PALLD: variants seen among roughly 807,000 people sequenced by gnomAD.
PALLD encodes the protein palladin.
In PALLD, 61 loss-of-function variants were observed where a neutral mutation model predicts 123.5. That is an observed-to-expected ratio of 0.49 (90% CI 0.40 to 0.61). The LOEUF (loss-of-function observed/expected upper bound fraction) is 0.61. PALLD is among the 20% of genes least tolerant of loss of function. The probability of loss-of-function intolerance (pLI) is 0.00; values close to 1 mark genes in which losing one functional copy is unlikely to be tolerated. For missense variants in PALLD, 1,273 were observed against 1,377.0 expected, an observed-to-expected ratio of 0.92 and a Z score of 1.20; for synonymous variants, 465 against 496.4, an observed-to-expected ratio of 0.94 and a Z score of 0.84.
intron 10 of PALLD, among the ~76,000 whole-genome samples, chr4:168,825,082 C>T (rs369240303): frequency 6.6e-6 from 1 of 152,160 alleles, no homozygotes; most frequent in African/African-American, 2.4e-5. Flanking sequence ...TCCCAAAGTG[C>T]TGGGATTATA....
chr4:168,928,364 G>C lies in PALLD; in HGVS notation c.*2184G>C. On this transcript the variant is annotated 3_prime_UTR_variant, in exon 22 of 22. Transcript: ENST00000505667. ...ACTATCAATCAATCATACTACTTTG[G>C]ATTGTTGTGCTGGTGTAATGTGGAT... 5.5e-6 allele frequency: 1 copy of C among 182,910 alleles called. No homozygotes were observed. The allele number at this position is 182,910 out of a possible 1,614,324, so 11.3% of individuals were successfully genotyped here. A position where few individuals can be genotyped will look rare whatever the true frequency, so the allele number is the denominator to read the frequency against.
chr4:168,701,499 A>T (rs12649675), intron 8 of PALLD, among the ~76,000 whole-genome samples: 2 of 152,128 alleles, frequency 1.3e-5, no homozygotes, highest in African/African-American at 4.8e-5. Flanking sequence ...GAAAAATGGC[A>T]TGACTAAAAG....
chr4:168,809,910 A>G (rs34007727), intron 10 of PALLD, among the ~76,000 whole-genome samples: 85,304 of 150,576 alleles, frequency 0.57, 24,873 homozygotes, highest in Non-Finnish European at 0.63. Context: ...AATGGAGCTG[A>G]TGAACACAGC....
intron 9 of PALLD, 130 bp downstream of exon 9, chr4:168,709,277 A>G: frequency 1.1e-6 from 1 of 886,292 alleles, no homozygotes; most frequent in Non-Finnish European, 1.8e-6. Flanking sequence ...TGGGAGGCCG[A>G]GGCAGGCAGA....
intron 10 of PALLD, among the ~76,000 whole-genome samples, chr4:168,722,744 G>A (rs1396321131): frequency 6.6e-6 from 1 of 152,218 alleles, no homozygotes; most frequent in Non-Finnish European, 1.5e-5. Flanking sequence ...GCACTGTGAA[G>A]GTAGAAACAG....
chr4:168,571,834 A>C (rs1164615066), intron 2 of PALLD, among the ~76,000 whole-genome samples: 1 of 152,142 alleles, frequency 6.6e-6, no homozygotes, highest in Non-Finnish European at 1.5e-5. Context: ...TAATGTTCTG[A>C]ATAATTCTAT....
intron 5 of PALLD, among the ~76,000 whole-genome samples, chr4:168,684,634 T>TGTTC (rs1781857518): frequency 1.3e-5 from 2 of 152,110 alleles, no homozygotes; most frequent in South Asian, 4.1e-4. Context: ...ACTATAAGAG[T>TGTTC]GTTCACATAT....
intron 10 of PALLD, among the ~76,000 whole-genome samples, chr4:168,810,168 G>A (rs543198248): frequency 6.6e-6 from 1 of 151,886 alleles, no homozygotes; most frequent in East Asian, 1.9e-4. Context: ...AGAGGAGGAC[G>A]GGAAAAGAGA....
chr4:168,631,634 C>G (rs1330470061), intron 2 of PALLD: 1 of 985,434 alleles, frequency 1.0e-6, no homozygotes, highest in African/African-American at 1.7e-5. Flanking sequence ...CGCTGGAGAC[C>G]GGCGGCCTCT....
intron 1 of PALLD, among the ~76,000 whole-genome samples, chr4:168,501,182 G>A (rs1284157246): frequency 1.3e-5 from 2 of 152,152 alleles, no homozygotes; most frequent in African/African-American, 4.8e-5. Flanking sequence ...GGAGCCTGAG[G>A]CAGGAGGATT....
chr4:168,643,948 C>T (rs550287827), intron 2 of PALLD, among the ~76,000 whole-genome samples: 1 of 152,108 alleles, frequency 6.6e-6, no homozygotes, highest in Non-Finnish European at 1.5e-5. Flanking sequence ...AGGGTACTAA[C>T]CCTGGTGTGC....
intron 1 of PALLD, chr4:168,506,133 T>G (rs532647166): frequency 6.6e-6 from 1 of 152,376 alleles, no homozygotes; most frequent in South Asian, 2.1e-4. Flanking sequence ...ATGGCTGAGC[T>G]CTGGTGGAGA....
At chr4:168,842,794 A>C (rs1009002878) in intron 10 of PALLD, among the ~76,000 whole-genome samples, 11 of 152,238 alleles carry the variant, frequency 7.2e-5, no homozygotes, top group African/African-American at 2.7e-4. Context: ...ACTTGGTAAA[A>C]ACATTTAAGT....
chr4:168,581,676 T>A (rs985719234), intron 2 of PALLD, among the ~76,000 whole-genome samples: 1 of 152,104 alleles, frequency 6.6e-6, no homozygotes, highest in African/African-American at 2.4e-5. Context: ...CTTACCAGAT[T>A]TATGGTTTGC....
At chr4:168,601,443 C>T (rs1772641977) in intron 2 of PALLD, among the ~76,000 whole-genome samples, 1 of 152,100 alleles carries the variant, frequency 6.6e-6, no homozygotes, top group Non-Finnish European at 1.5e-5. Flanking sequence ...GAACCACCCT[C>T]CACCACTACC....
At chr4:168,652,551 G>C (rs1205416955) in intron 2 of PALLD, among the ~76,000 whole-genome samples, 2 of 152,182 alleles carry the variant, frequency 1.3e-5, no homozygotes, top group Non-Finnish European at 2.9e-5. Flanking sequence ...ACATTTTAAA[G>C]TTAGAGGTTC....
chr4:168,620,699 T>C (rs1208219056), intron 2 of PALLD, among the ~76,000 whole-genome samples: 6 of 152,152 alleles, frequency 3.9e-5, no homozygotes, highest in Non-Finnish European at 7.4e-5. Context: ...ACACCCTGAC[T>C]TTCTGTCCTT....
intron 10 of PALLD, among the ~76,000 whole-genome samples, chr4:168,826,286 C>T (rs570973092): frequency 6.6e-6 from 1 of 152,322 alleles, no homozygotes; most frequent in Admixed American, 6.5e-5. Flanking sequence ...CGCAATAAAA[C>T]TTGGCAATAA....
At chr4:168,896,447 A>AT (rs1755192282) in intron 12 of PALLD, 102 bp from the exon 13 acceptor site, 2 of 728,026 alleles carry the variant, frequency 2.7e-6, no homozygotes, top group Admixed American at 2.0e-5. Context: ...TACCAAACGC[A>AT]TATTGCTAGC....
Sources: allele counts gnomAD v4.1 joint callset (sites outside exome capture counted in the v4.1 genomes callset), GRCh38; gene constraint gnomAD v4.1.1; transcripts MANE v1.5; gene names NCBI Gene and HGNC (gene_info 2026-07-23, HGNC 2026-07-21).